Variants in TSHZ1 observed in about 807,000 individuals in gnomAD.
TSHZ1 encodes the protein teashirt zinc finger homeobox 1, also known as teashirt homolog 1.
In TSHZ1, 12 loss-of-function variants were observed where a neutral mutation model predicts 67.1. The observed-to-expected ratio is 0.18, with a 90% CI of 0.11 to 0.29. The LOEUF is 0.29. Among genes scored for constraint, TSHZ1 ranks in the 10% least tolerant of loss-of-function variants. TSHZ1 has a pLI of 1.00. For synonymous variants in TSHZ1, 632 were observed against 622.4 expected (o/e 1.02, Z -0.23); for missense variants, 1,305 against 1,413.9 (o/e 0.92, Z 1.23).
At chr18:75,237,067 G>A (rs780171170) in intron 1 of TSHZ1, among the ~76,000 whole-genome samples, 35 of 152,298 alleles carry the variant, frequency 2.3e-4, no homozygotes, top group Non-Finnish European at 4.3e-4. Context: ...TCCACTAGGC[G>A]GCTTCTGGGT....
chr18:75,232,759 G>A (rs8083051), intron 1 of TSHZ1, among the ~76,000 whole-genome samples: 35,792 of 152,078 alleles, frequency 0.24, 4,237 homozygotes, highest in East Asian at 0.32. Flanking sequence ...GGAATTCAGA[G>A]CTTTTCAGAT....
intron 1 of TSHZ1, among the ~76,000 whole-genome samples, chr18:75,231,397 C>T (rs530889439): frequency 6.6e-6 from 1 of 152,330 alleles, no homozygotes; most frequent in South Asian, 2.1e-4. Flanking sequence ...GGGGCTTCTC[C>T]CCAGATCTTT....
At chr18:75,217,034 G>T (rs536975271) in intron 1 of TSHZ1, among the ~76,000 whole-genome samples, 3 of 152,212 alleles carry the variant, frequency 2.0e-5, no homozygotes, top group African/African-American at 7.2e-5. Flanking sequence ...GATCAATGGC[G>T]CCTGCTTTCT....
At chr18:75,271,765 G>C (rs562864476) in intron 1 of TSHZ1, among the ~76,000 whole-genome samples, 8 of 94,310 alleles carry the variant, frequency 8.5e-5, no homozygotes, top group African/African-American at 2.9e-4. Context: ...CCCCCTTAAC[G>C]CACCTGATCA....
intron 1 of TSHZ1, among the ~76,000 whole-genome samples, chr18:75,224,898 G>T (rs548261469): frequency 1.3e-5 from 2 of 151,934 alleles, no homozygotes; most frequent in Non-Finnish European, 2.9e-5. Context: ...TTCCTAACGC[G>T]TGCTATTCTA....
chr18:75,267,260 G>T (rs2023500563), intron 1 of TSHZ1, among the ~76,000 whole-genome samples: 1 of 152,230 alleles, frequency 6.6e-6, no homozygotes, highest in African/African-American at 2.4e-5. Flanking sequence ...TTGAAGAAAT[G>T]ATGCCAACCA....
At chr18:75,211,997 G>C (rs1176138400) in intron 1 of TSHZ1, 81 bp downstream of exon 1, 1 of 1,088,736 alleles carries the variant, frequency 9.2e-7, no homozygotes, top group Non-Finnish European at 1.1e-6. Flanking sequence ...CGAGGTGCGG[G>C]ACGTGGGCCG....
intron 1 of TSHZ1, chr18:75,284,656 C>G (rs1013163437): frequency 2.6e-5 from 4 of 152,318 alleles, no homozygotes; most frequent in Non-Finnish European, 5.9e-5. Flanking sequence ...TACATGTCCT[C>G]TTGTGTCTGG....
rs554076052 is a variant in TSHZ1, at chr18:75,216,824, TG to T, written c.40+4909del. On this transcript the variant is annotated intron_variant, in intron 1 of 1. Coordinates refer to ENST00000580243, the MANE Select transcript of TSHZ1 (RefSeq NM_001308210.2). ...GAGGGCCTGGGTGGGAAGGAGGAAG[TG>T]TTGGGGTCAGGATGGTATTGGCTTG... Among the ~76,000 whole-genome samples the T allele has an allele frequency of 1.2e-3, 180 of 151,630 alleles. 1 individual carries two copies. Among genetic ancestry groups the T allele is most frequent in the Admixed American group, 3.5e-3 (54 of 15,224 alleles).
chr18:75,219,805 T>C (rs1280303623), intron 1 of TSHZ1, among the ~76,000 whole-genome samples: 1 of 152,256 alleles, frequency 6.6e-6, no homozygotes, highest in Non-Finnish European at 1.5e-5. Flanking sequence ...ACACGAGTTG[T>C]ATATGTGTGT....
chr18:75,288,338 T>C lies in TSHZ1; in HGVS notation c.2931T>C (p.Ser977=), dbSNP rs776933255. The C allele has an allele frequency of 3.1e-6, 5 of 1,614,200 alleles. No individual in the cohort carries two copies. The highest frequency in any genetic ancestry group is 4.2e-6 in the Non-Finnish European group (5 of 1,180,048). The change falls in exon 2 of 2, where the codon TCT becomes TCC. Residue 977 remains serine (S), a synonymous_variant. Coordinates refer to ENST00000580243, the MANE Select transcript of TSHZ1 (RefSeq NM_001308210.2). This position sits in a 1 kb window ranked among gnomAD's most constrained non-coding sequence, Gnocchi z 4.9. ...TTTTCTTTTGCAACGATTGTGCCTC[T>C]CAGTTCAGAACTGCTTCTACATACA... ...HPVFFCNDCA[S]QFRTASTYIS...
rs150009483 is a variant in TSHZ1, at chr18:75,263,097, G to A, written c.41-22351G>A. ...TGCCTCCACAGTCAATGTGTTGTGCGTCAGGAAGCTTCATACTATTCAGTA... is the reference window on the plus strand; with the variant it reads ...TGCCTCCACAGTCAATGTGTTGTGCATCAGGAAGCTTCATACTATTCAGTA... On this transcript the variant is annotated intron_variant, in intron 1 of 1. Transcript: ENST00000580243. 5.9e-5 allele frequency among the ~76,000 whole-genome samples: 9 copies of A among 152,262 alleles called. No individual in the cohort carries two copies. The South Asian group carries it at 8.3e-4, about 14-fold the overall frequency.
In TSHZ1 at chr18:75,287,725, T is replaced by A. The variant is rs1306610409; in HGVS notation, c.2318T>A (p.Met773Lys). The change falls in exon 2 of 2, where the codon ATG becomes AAG. Residue 773 changes from methionine (M) to lysine (K), a missense_variant. Met to Lys is a moderately conservative substitution (Grantham distance 95, BLOSUM62 -1). Transcript: ENST00000580243. The surrounding 1 kb of genome is among the most constrained non-coding windows in gnomAD (Gnocchi z 5.0). The part of the protein sequence containing the change: ...PVSPSLDPLA[M>K]LYKISNSMLD... ...AGTCCCTCGCTGGACCCGCTGGCGA[T>A]GCTGTACAAGATCAGCAACAGCATG... The A allele has an allele frequency of 1.9e-6, 3 of 1,614,060 alleles. No homozygotes were observed. In the African/African-American group the frequency reaches 4.0e-5, roughly 22 times the overall value.
chr18:75,223,084 G>A (rs1411672255), intron 1 of TSHZ1, among the ~76,000 whole-genome samples: 1 of 152,212 alleles, frequency 6.6e-6, no homozygotes, highest in Non-Finnish European at 1.5e-5. Flanking sequence ...CATGATGGGT[G>A]TGAGGGTGAT....
intron 1 of TSHZ1, among the ~76,000 whole-genome samples, chr18:75,238,493 CA>C (rs1257622743): frequency 2.0e-5 from 3 of 152,056 alleles, no homozygotes; most frequent in Non-Finnish European, 4.4e-5. Flanking sequence ...GTTTTCTGTA[CA>C]GGGGGAGTGT....
chr18:75,219,302 T>TA (rs1211504218), intron 1 of TSHZ1, among the ~76,000 whole-genome samples: 2 of 152,210 alleles, frequency 1.3e-5, no homozygotes, highest in Non-Finnish European at 2.9e-5. Context: ...ATAGGGTTGA[T>TA]AGAGGATGCC....
At chr18:75,249,260 G>A (rs1002443347) in intron 1 of TSHZ1, among the ~76,000 whole-genome samples, 2 of 152,146 alleles carry the variant, frequency 1.3e-5, no homozygotes, top group African/African-American at 4.8e-5. Context: ...GGAGCCACAC[G>A]GGTTGAGAGC....
chr18:75,289,737 CT>C lies in TSHZ1; in HGVS notation c.*1100del, dbSNP rs1422729551. 1.6e-4 allele frequency: 27 copies of C among 167,006 alleles called. No homozygotes were observed. Among genetic ancestry groups the C allele is most frequent in the Admixed American group, 1.4e-3 (21 of 15,270 alleles). 10.3% of individuals were successfully genotyped at this position (167,006 alleles called of 1,614,324 possible). A position where few individuals can be genotyped will look rare whatever the true frequency, so the allele number is the denominator to read the frequency against. On this transcript the variant is annotated 3_prime_UTR_variant, in exon 2 of 2. Coordinates refer to ENST00000580243, the MANE Select transcript of TSHZ1 (RefSeq NM_001308210.2). ...CCTGCAGCTTGATTTAAATAGAGGACTTTTACTGGCACCTGCATCTCTCCAG... is the reference window on the plus strand; with the variant it reads ...CCTGCAGCTTGATTTAAATAGAGGACTTTACTGGCACCTGCATCTCTCCAG...
intron 1 of TSHZ1, among the ~76,000 whole-genome samples, chr18:75,277,719 C>T (rs980185538): frequency 6.6e-6 from 1 of 152,156 alleles, no homozygotes; most frequent in Non-Finnish European, 1.5e-5. Flanking sequence ...CTACCTCCTT[C>T]TGCCATTACT....
Sources: allele counts gnomAD v4.1 joint callset (sites outside exome capture counted in the v4.1 genomes callset), GRCh38; gene constraint gnomAD v4.1.1; non-coding constraint Gnocchi (gnomAD v3.1); transcripts MANE v1.5; gene names NCBI Gene and HGNC (gene_info 2026-07-23, HGNC 2026-07-21).